The following SOX13 variants were observed in gnomAD, a reference collection of about 807,000 sequenced individuals.
The protein encoded by SOX13 is SRY-box transcription factor 13.
SOX13 carries 28 observed loss-of-function variants against 71.8 expected under a neutral mutation model. That is an observed-to-expected ratio of 0.39 (90% CI 0.29 to 0.53). The LOEUF (loss-of-function observed/expected upper bound fraction) is 0.53. SOX13 is among the 20% of genes least tolerant of loss of function. The pLI is 0.70. For missense variants in SOX13, 627 were observed against 810.3 expected (o/e 0.77, Z 2.75); for synonymous variants, 309 against 317.8 (o/e 0.97, Z 0.29).
At chr1:204,095,144 C>T (rs1487543946) in intron 1 of SOX13, among the ~76,000 whole-genome samples, 1 of 152,134 alleles carries the variant, frequency 6.6e-6, no homozygotes, top group Admixed American at 6.5e-5. Context: ...CAGGGTTGTA[C>T]GGCAAGGCAG....
chr1:204,081,903 G>C lies in SOX13; in HGVS notation c.-2+8192G>C, dbSNP rs538970605. Among the ~76,000 whole-genome samples the C allele has an allele frequency of 2.6e-3, 391 of 152,240 alleles. 3 individuals are homozygous for C. The highest frequency in any genetic ancestry group is 8.5e-4 in the Non-Finnish European group (58 of 68,008). On this transcript the variant is annotated intron_variant, in intron 1 of 13. Transcript: ENST00000367204. This position sits in a 1 kb window ranked among gnomAD's most constrained non-coding sequence, Gnocchi z 4.3. ...AAAGAAGGGGGAATAAAATGTAGTGGGGAGGGGTGGAAGGAAGCCTGTGTG... is the reference window on the plus strand; with the variant it reads ...AAAGAAGGGGGAATAAAATGTAGTGCGGAGGGGTGGAAGGAAGCCTGTGTG...
intron 4 of SOX13, among the ~76,000 whole-genome samples, chr1:204,115,647 G>GCTC (rs1656675552): frequency 7.4e-6 from 1 of 135,902 alleles, no homozygotes; most frequent in African/African-American, 2.7e-5. Flanking sequence ...ATATATTAGC[G>GCTC]CTTCTTCTTC....
intron 13 of SOX13, 110 bp from the exon 14 acceptor site, chr1:204,125,748 C>A: frequency 8.1e-7 from 1 of 1,240,046 alleles, no homozygotes; most frequent in Non-Finnish European, 1.1e-6. Context: ...TAAGTCACAG[C>A]CAAGAGTGTG....
intron 1 of SOX13, among the ~76,000 whole-genome samples, chr1:204,080,906 C>CTTT (rs1180508830): frequency 2.4e-5 from 3 of 122,750 alleles, no homozygotes; most frequent in African/African-American, 6.3e-5. Context: ...CCTTTGTTGA[C>CTTT]TTTTTTTTTT....
intron 7 of SOX13, among the ~76,000 whole-genome samples, chr1:204,121,046 C>G (rs915983106): frequency 1.3e-5 from 2 of 148,830 alleles, no homozygotes; most frequent in South Asian, 4.2e-4. Context: ...GTGGTGCAAT[C>G]TCGACTCACT....
intron 8 of SOX13, 75 bp downstream of exon 8, chr1:204,122,060 G>A (rs901010735): frequency 1.7e-5 from 20 of 1,177,924 alleles, no homozygotes; most frequent in African/African-American, 1.4e-4. Context: ...AGGGAACTGC[G>A]GGGTGTGGAC....
chr1:204,120,755 T>C (rs893180257), intron 7 of SOX13, among the ~76,000 whole-genome samples: 2 of 152,172 alleles, frequency 1.3e-5, no homozygotes, highest in Non-Finnish European at 2.9e-5. Flanking sequence ...GTGGCCCTCA[T>C]CACCACCTGC....
chr1:204,100,812 A>G (rs778456925), intron 1 of SOX13, among the ~76,000 whole-genome samples: 6 of 152,174 alleles, frequency 3.9e-5, no homozygotes, highest in African/African-American at 7.2e-5. Flanking sequence ...TTAGGCTTAC[A>G]TGAGGCATGA....
At chr1:204,101,218 T>G (rs1656353859) in intron 1 of SOX13, among the ~76,000 whole-genome samples, 2 of 152,154 alleles carry the variant, frequency 1.3e-5, no homozygotes, top group Non-Finnish European at 2.9e-5. Flanking sequence ...CCATTTCTCC[T>G]GCCTCTGCAA....
chr1:204,126,514 A>ATTTTTTAAT lies in SOX13; in HGVS notation c.*380_*381insTTTTTTAAT. The ATTTTTTAAT allele has an allele frequency of 3.1e-5, 8 of 258,794 alleles. No individual in the cohort carries two copies. The highest frequency in any genetic ancestry group is 4.9e-5 in the Admixed American group (1 of 20,522). 16.0% of individuals were successfully genotyped at this position (258,794 alleles called of 1,614,324 possible). ...TTTCCATTCTTGTCCTGGCTGGACC[A>ATTTTTTAAT]GCCACTGTGGGACCAACACCCCTCC... On this transcript the variant is annotated 3_prime_UTR_variant, in exon 14 of 14. Coordinates refer to ENST00000367204, the MANE Select transcript of SOX13 (RefSeq NM_005686.3).
chr1:204,098,666 G>A (rs373733557), intron 1 of SOX13, among the ~76,000 whole-genome samples: 140 of 152,288 alleles, frequency 9.2e-4, no homozygotes, highest in African/African-American at 2.5e-3. Context: ...GAATGAATGC[G>A]AAGCTAACAG....
At chr1:204,108,965 G>C (rs1027069116) in intron 1 of SOX13, among the ~76,000 whole-genome samples, 1 of 152,128 alleles carries the variant, frequency 6.6e-6, no homozygotes, top group Non-Finnish European at 1.5e-5. Flanking sequence ...TGCTGCCTTC[G>C]GCTTCAGGAT....
chr1:204,117,334 C>A, intron 6 of SOX13, 144 bp downstream of exon 6: 1 of 761,270 alleles, frequency 1.3e-6, no homozygotes, highest in Non-Finnish European at 2.3e-6. Flanking sequence ...AGGGTTATTT[C>A]TATTCTAGCC....
intron 1 of SOX13, among the ~76,000 whole-genome samples, chr1:204,094,710 G>A (rs1656216034): frequency 6.6e-6 from 1 of 152,170 alleles, no homozygotes. Flanking sequence ...TAATCACACC[G>A]TGGAGCACGG....
intron 9 of SOX13, 152 bp from the exon 10 acceptor site, chr1:204,122,702 T>C (rs1453411350): frequency 1.6e-6 from 1 of 621,580 alleles, no homozygotes; most frequent in African/African-American, 1.9e-5. Flanking sequence ...GGACATGCAA[T>C]GCAGCCGCCC....
intron 1 of SOX13, among the ~76,000 whole-genome samples, chr1:204,076,749 G>A (rs1655794237): frequency 6.6e-6 from 1 of 152,174 alleles, no homozygotes; most frequent in South Asian, 2.1e-4. Flanking sequence ...TCTTCATGTT[G>A]GAGATCCTGC....
Position 204,081,782 on chromosome 1 carries a change from C to T in SOX13, c.-2+8071C>T, listed in dbSNP as rs1237676300. On this transcript the variant is annotated intron_variant, in intron 1 of 13. Transcript: ENST00000367204. The surrounding 1 kb of genome is among the most constrained non-coding windows in gnomAD (Gnocchi z 4.3). The stretch of plus-strand genomic sequence containing the variant: ...CCACCCTCATGCGAACAACCTCTCC[C>T]CACCCTCCAGCCCTACTGAAGGAGT... Among the ~76,000 whole-genome samples the T allele has an allele frequency of 1.3e-5, 2 of 152,144 alleles. No individual in the cohort carries two copies. Among genetic ancestry groups the T allele is most frequent in the Non-Finnish European group, 2.9e-5 (2 of 68,012 alleles).
At chr1:204,112,453 A>AG in intron 1 of SOX13, among the ~76,000 whole-genome samples, 1 of 150,980 alleles carries the variant, frequency 6.6e-6, no homozygotes, top group South Asian at 2.1e-4. Flanking sequence ...AAAAAAAAAA[A>AG]TGCATTTGTA....
chr1:204,089,039 G>A (rs1248398157), intron 1 of SOX13, among the ~76,000 whole-genome samples: 2 of 152,112 alleles, frequency 1.3e-5, no homozygotes, highest in Non-Finnish European at 2.9e-5. Flanking sequence ...GCAGGAAACA[G>A]TGTTGAGAAT....
Sources: allele counts gnomAD v4.1 joint callset (sites outside exome capture counted in the v4.1 genomes callset), GRCh38; gene constraint gnomAD v4.1.1; non-coding constraint Gnocchi (gnomAD v3.1); transcripts MANE v1.5; gene names NCBI Gene and HGNC (gene_info 2026-07-23, HGNC 2026-07-21).